PLCL1: variants seen among roughly 807,000 people sequenced by gnomAD.
PLCL1 encodes the protein phospholipase C like 1 (inactive), also known as inactive phospholipase C-like protein 1.
PLCL1 carries 41 observed loss-of-function variants against 84.4 expected under a neutral mutation model. That is an observed-to-expected ratio of 0.49 (90% CI 0.38 to 0.63). The LOEUF (loss-of-function observed/expected upper bound fraction) is 0.63. Ranked by LOEUF, PLCL1 falls within the 30% of genes least tolerant of loss-of-function variation. The pLI is 0.00. For missense variants in PLCL1, 1,206 were observed against 1,367.8 expected, an observed-to-expected ratio of 0.88 and a Z score of 1.87; for synonymous variants, 490 against 488.3, an observed-to-expected ratio of 1.00 and a Z score of -0.05.
At chr2:197,890,915 C>A (rs1252799505) in intron 1 of PLCL1, among the ~76,000 whole-genome samples, 1 of 146,620 alleles carries the variant, frequency 6.8e-6, no homozygotes. Context: ...ATCTATATAT[C>A]CTGGGTATCC....
In PLCL1 at chr2:198,098,273, GA is replaced by G. The variant is rs367938285; in HGVS notation, c.2920-3006del. 4.3e-4 allele frequency among the ~76,000 whole-genome samples: 66 copies of G among 152,218 alleles called. 1 individual carries two copies. Among genetic ancestry groups the G allele is most frequent in the African/African-American group, 1.5e-3 (62 of 41,526 alleles). On this transcript the variant is annotated intron_variant, in intron 3 of 5. Transcript: ENST00000428675. ...TCTCCAAAGTTCCTAACTCCTTCCT[GA>G]AAAAACAGAGGACTCAAGTAAATAC...
At chr2:198,104,187 C>T (rs1026532609) in intron 5 of PLCL1, among the ~76,000 whole-genome samples, 1 of 151,914 alleles carries the variant, frequency 6.6e-6, no homozygotes, top group Non-Finnish European at 1.5e-5. Flanking sequence ...CCTCTCTCTC[C>T]TCCCACCCTC....
chr2:197,843,472 G>A (rs1687053959), intron 1 of PLCL1, among the ~76,000 whole-genome samples: 1 of 152,234 alleles, frequency 6.6e-6, no homozygotes, highest in South Asian at 2.1e-4. Flanking sequence ...GAGTACATGT[G>A]TTCTTCTTCC....
intron 1 of PLCL1, among the ~76,000 whole-genome samples, chr2:198,036,982 G>A (rs1016730663): frequency 2.0e-5 from 3 of 152,230 alleles, no homozygotes; most frequent in South Asian, 2.1e-4. Context: ...AAATCAACAG[G>A]TGGACACTGG....
Position 197,840,356 on chromosome 2 carries a change from A to C in PLCL1, c.240+35017A>C, listed in dbSNP as rs528717435. The stretch of plus-strand genomic sequence containing the variant: ...ATCGGTTGATTAAAATGCAGATAGC[A>C]TGCCTCTCGGTGAGAAAATAATTTT... On this transcript the variant is annotated intron_variant, in intron 1 of 5. Transcript: ENST00000428675. Among the ~76,000 whole-genome samples the C allele has an allele frequency of 2.0e-5, 3 of 152,068 alleles. No homozygotes were observed. In the South Asian group the frequency reaches 6.3e-4, roughly 32 times the overall value.
chr2:197,871,692 C>T (rs1256051698), intron 1 of PLCL1, among the ~76,000 whole-genome samples: 1 of 152,066 alleles, frequency 6.6e-6, no homozygotes, highest in African/African-American at 2.4e-5. Flanking sequence ...ATAATAACAT[C>T]GTACCCCAAA....
chr2:197,876,496 T>C (rs1687734338), intron 1 of PLCL1, among the ~76,000 whole-genome samples: 1 of 152,174 alleles, frequency 6.6e-6, no homozygotes, highest in African/African-American at 2.4e-5. Flanking sequence ...GAACATTTTT[T>C]TTTTGAAATT....
At chr2:197,977,977 G>A (rs1690022138) in intron 1 of PLCL1, among the ~76,000 whole-genome samples, 1 of 152,138 alleles carries the variant, frequency 6.6e-6, no homozygotes, top group African/African-American at 2.4e-5. Flanking sequence ...AACTCCGGTG[G>A]CACTTCTTTT....
intron 1 of PLCL1, among the ~76,000 whole-genome samples, chr2:197,855,586 T>C (rs957279089): frequency 2.0e-5 from 3 of 152,164 alleles, no homozygotes; most frequent in Non-Finnish European, 4.4e-5. Flanking sequence ...CAGAACAATC[T>C]AGTTGGCTGG....
In PLCL1 at chr2:198,091,629, G is replaced by A. The variant is rs181899655; in HGVS notation, c.2919+2568G>A. On this transcript the variant is annotated intron_variant, in intron 3 of 5. Transcript: ENST00000428675. Reference sequence around the variant, plus strand: ...TGGGAGGCGGAGGTTGCAGTGAGCCGAGACTGCGCCATCGCACTCCAGCCT... The same window carrying A: ...TGGGAGGCGGAGGTTGCAGTGAGCCAAGACTGCGCCATCGCACTCCAGCCT... 2.0e-3 allele frequency among the ~76,000 whole-genome samples: 306 copies of A among 151,492 alleles called. 2 individuals are homozygous for A. Among genetic ancestry groups the A allele is most frequent in the African/African-American group, 6.9e-3 (285 of 41,332 alleles).
intron 1 of PLCL1, among the ~76,000 whole-genome samples, chr2:197,807,771 C>A (rs929215870): frequency 1.2e-4 from 18 of 152,146 alleles, no homozygotes; most frequent in African/African-American, 4.1e-4. Flanking sequence ...AAATGCTGTT[C>A]CAAATAGCTG....
chr2:198,000,949 T>G (rs1690586808), intron 1 of PLCL1, among the ~76,000 whole-genome samples: 1 of 152,192 alleles, frequency 6.6e-6, no homozygotes, highest in South Asian at 2.1e-4. Flanking sequence ...TTAACTTAGT[T>G]AAGCTACTTA....
Position 197,891,932 on chromosome 2 carries a change from G to A in PLCL1, c.240+86593G>A, listed in dbSNP as rs376062230. Among the ~76,000 whole-genome samples, 113 of 152,260 alleles carry A rather than the reference G, an allele frequency of 7.4e-4. 3 individuals carry two copies. In the South Asian group the frequency reaches 0.023, roughly 31 times the overall value. ...CTAATCTGTGCACTACACAGGAGTA[G>A]ATGTGCCAAAGGAGGGTTTTTGATT... On this transcript the variant is annotated intron_variant, in intron 1 of 5. Transcript: ENST00000428675.
intron 1 of PLCL1, among the ~76,000 whole-genome samples, chr2:198,016,335 G>T (rs1400078445): frequency 6.6e-6 from 1 of 152,162 alleles, no homozygotes; most frequent in African/African-American, 2.4e-5. Flanking sequence ...TGAGAAAATT[G>T]TTTCCCGTCA....
chr2:198,090,071 CT>C (rs1559101516), intron 3 of PLCL1, among the ~76,000 whole-genome samples: 1 of 152,156 alleles, frequency 6.6e-6, no homozygotes, highest in African/African-American at 2.4e-5. Context: ...TATAGAGTTC[CT>C]TTTCTTGGAT....
At position 197,925,882 on chromosome 2, in the gene PLCL1, A is replaced by G. The variant is rs547934744; in HGVS notation, c.240+120543A>G. On this transcript the variant is annotated intron_variant, in intron 1 of 5. Transcript: ENST00000428675. ...TACTCAGTTTTAAATGCTCTTAAGT[A>G]TCATATTTTGTCACTCTATTTGTAG... Among the ~76,000 whole-genome samples the G allele has an allele frequency of 7.8e-4, 118 of 152,242 alleles. 1 individual carries two copies. The highest frequency in any genetic ancestry group is 2.6e-3 in the African/African-American group (110 of 41,532).
chr2:198,097,640 AT>A (rs1474508027), intron 3 of PLCL1, among the ~76,000 whole-genome samples: 1 of 152,206 alleles, frequency 6.6e-6, no homozygotes. Flanking sequence ...GAGAAAAAAA[AT>A]GATCTGTTTA....
chr2:197,963,327 T>C (rs1311096756), intron 1 of PLCL1, among the ~76,000 whole-genome samples: 1 of 152,188 alleles, frequency 6.6e-6, no homozygotes, highest in African/African-American at 2.4e-5. Flanking sequence ...TGCATTTCTT[T>C]GATGATCAAT....
At chr2:198,105,116 C>A (rs1010363168) in intron 5 of PLCL1, among the ~76,000 whole-genome samples, 1 of 151,902 alleles carries the variant, frequency 6.6e-6, no homozygotes, top group South Asian at 2.1e-4. Context: ...AATGGTATTT[C>A]CTAGGTTAAC....
Sources: allele counts gnomAD v4.1 joint callset (sites outside exome capture counted in the v4.1 genomes callset), GRCh38; gene constraint gnomAD v4.1.1; transcripts MANE v1.5; gene names NCBI Gene and HGNC (gene_info 2026-07-23, HGNC 2026-07-21).